PDE1A: variants seen among roughly 807,000 people sequenced by gnomAD.
PDE1A encodes phosphodiesterase 1A.
A neutral mutation model predicts 61.7 loss-of-function variants in PDE1A; 35 were observed. The observed-to-expected ratio is 0.57, with a 90% CI of 0.43 to 0.75. The LOEUF (loss-of-function observed/expected upper bound fraction) is 0.75. PDE1A is among the 30% of genes least tolerant of loss of function. The pLI is 0.00. For synonymous variants in PDE1A, 232 were observed against 213.2 expected (o/e 1.09, Z -0.77); for missense variants, 597 against 630.6 (o/e 0.95, Z 0.57).
the PDE1A span, among the ~76,000 whole-genome samples, chr2:182,691,372 A>G: frequency 2.6e-5 from 4 of 152,130 alleles, no homozygotes; most frequent in Non-Finnish European, 4.4e-5. Context: ...CAGAAATAAT[A>G]CCACACATCT....
exon 3 of PDE1A, chr2:182,240,254 T>C (rs1359371836): frequency 6.2e-7 from 1 of 1,610,692 alleles, no homozygotes; most frequent in Non-Finnish European, 8.5e-7. Flanking sequence ...TGAGTCAGTC[T>C]GAATGTCACT....
intron 1 of PDE1A, among the ~76,000 whole-genome samples, chr2:182,293,595 G>T (rs957884218): frequency 2.0e-5 from 3 of 151,954 alleles, no homozygotes; most frequent in African/African-American, 7.2e-5. Flanking sequence ...TCATTCGTGG[G>T]GAATGTGTTC....
At chr2:182,282,051 A>G (rs574301258) in intron 1 of PDE1A, among the ~76,000 whole-genome samples, 7 of 151,990 alleles carry the variant, frequency 4.6e-5, no homozygotes, top group Non-Finnish European at 8.8e-5. Flanking sequence ...TTATTTTAAC[A>G]GACAGAATGA....
chr2:182,213,148 C>G (rs535770834), intron 7 of PDE1A, among the ~76,000 whole-genome samples: 130 of 150,670 alleles, frequency 8.6e-4, no homozygotes, highest in Admixed American at 3.0e-3. Context: ...CACCCCCCAG[C>G]AGGGGCAGAC....
chr2:182,381,358 T>A (rs1700723936), intron 1 of PDE1A, among the ~76,000 whole-genome samples: 1 of 152,170 alleles, frequency 6.6e-6, no homozygotes, highest in Middle Eastern at 3.2e-3. Flanking sequence ...TGTTGGGATA[T>A]CTAATTAGGC....
intron 1 of PDE1A, among the ~76,000 whole-genome samples, chr2:182,359,376 G>A (rs955404055): frequency 5.9e-5 from 9 of 152,028 alleles, no homozygotes; most frequent in African/African-American, 1.9e-4. Flanking sequence ...CCCTCCATCC[G>A]ATTCTTGATA....
intron 13 of PDE1A, among the ~76,000 whole-genome samples, chr2:182,170,594 G>A (rs1320943407): frequency 3.3e-5 from 5 of 151,956 alleles, no homozygotes; most frequent in Non-Finnish European, 7.4e-5. Context: ...AAATGAGAAA[G>A]TTAGATTCAT....
chr2:182,161,813 A>C (rs750018350), intron 13 of PDE1A, among the ~76,000 whole-genome samples: 22 of 152,172 alleles, frequency 1.4e-4, no homozygotes, highest in Non-Finnish European at 2.9e-4. Flanking sequence ...ACAAAGAATA[A>C]GGTCAAATTT....
intron 2 of PDE1A, among the ~76,000 whole-genome samples, chr2:182,253,085 A>C (rs1416930577): frequency 6.6e-6 from 1 of 152,172 alleles, no homozygotes; most frequent in Non-Finnish European, 1.5e-5. Flanking sequence ...ACCTCATTTC[A>C]TGGGAAACTA....
At chr2:182,295,600 C>T (rs999719034) in intron 1 of PDE1A, among the ~76,000 whole-genome samples, 10 of 152,112 alleles carry the variant, frequency 6.6e-5, no homozygotes, top group Non-Finnish European at 1.5e-5. Flanking sequence ...AGGGATATGA[C>T]CATGGCTTAA....
the PDE1A span, among the ~76,000 whole-genome samples, chr2:182,612,360 A>G: frequency 6.6e-6 from 1 of 152,212 alleles, no homozygotes; most frequent in Non-Finnish European, 1.5e-5. Flanking sequence ...GATTGGAGTC[A>G]AAAATGAACA....
chr2:182,284,389 A>G (rs956927302), intron 1 of PDE1A, among the ~76,000 whole-genome samples: 4 of 152,148 alleles, frequency 2.6e-5, no homozygotes, highest in Non-Finnish European at 5.9e-5. Flanking sequence ...TTTTAATAAG[A>G]TGACTGATAA....
At chr2:182,538,630 G>T in the PDE1A span, among the ~76,000 whole-genome samples, 3 of 151,822 alleles carry the variant, frequency 2.0e-5, no homozygotes, top group Non-Finnish European at 2.9e-5. Flanking sequence ...AATATCTTAT[G>T]AATAGATTCT....
chr2:182,283,471 T>C (rs1693954385), intron 1 of PDE1A, among the ~76,000 whole-genome samples: 1 of 151,910 alleles, frequency 6.6e-6, no homozygotes, highest in South Asian at 2.1e-4. Flanking sequence ...CATTAAATGC[T>C]ATATAACACA....
chr2:182,150,948 A>C (rs1157008092), intron 13 of PDE1A, among the ~76,000 whole-genome samples: 1 of 152,242 alleles, frequency 6.6e-6, no homozygotes, highest in Non-Finnish European at 1.5e-5. Flanking sequence ...TAACTATCTG[A>C]GAAATAACCT....
the PDE1A span, among the ~76,000 whole-genome samples, chr2:182,672,907 T>C: frequency 6.6e-6 from 1 of 152,202 alleles, no homozygotes; most frequent in Admixed American, 6.5e-5. Context: ...CTACCTCAGA[T>C]TGAGAATCCC....
intron 13 of PDE1A, among the ~76,000 whole-genome samples, chr2:182,150,045 T>C (rs1044599134): frequency 6.6e-6 from 1 of 152,178 alleles, no homozygotes; most frequent in Non-Finnish European, 1.5e-5. Flanking sequence ...GGTCTACCTA[T>C]GTAGTTTTGA....
chr2:182,449,585 C>A (rs986521786), intron 2 of PDE1A, among the ~76,000 whole-genome samples: 26 of 151,976 alleles, frequency 1.7e-4, no homozygotes, highest in Admixed American at 2.0e-4. Flanking sequence ...GATTTTTATG[C>A]CATACAGGCT....
intron 3 of PDE1A, among the ~76,000 whole-genome samples, chr2:182,234,951 T>C (rs1473193790): frequency 6.6e-6 from 1 of 152,222 alleles, no homozygotes; most frequent in Non-Finnish European, 1.5e-5. Context: ...GGATATGTAG[T>C]ATCATCAGAA....
Sources: gnomAD v4.1 joint callset for allele counts (sites outside exome capture counted in the v4.1 genomes callset) on GRCh38, gnomAD v4.1.1 for gene constraint, MANE v1.5 for transcripts, NCBI Gene and HGNC (gene_info 2026-07-23, HGNC 2026-07-21) for gene names.